The following DOK6 variants were observed in gnomAD, a reference collection of about 807,000 sequenced individuals.
DOK6 encodes docking protein 6.
Under a neutral mutation model 44.0 loss-of-function variants are expected in DOK6, and 22 were observed. The ratio of observed to expected loss-of-function variants is 0.50; its 90% CI spans 0.36 to 0.71. DOK6 has a LOEUF of 0.71. Among genes scored for constraint, DOK6 ranks in the 30% least tolerant of loss-of-function variants. The pLI is 0.00. For synonymous variants in DOK6, 166 were observed against 145.5 expected (o/e 1.14, Z -1.01); for missense variants, 340 against 416.4 (o/e 0.82, Z 1.60).
intron 7 of DOK6, among the ~76,000 whole-genome samples, chr18:69,837,280 C>T (rs1046175559): frequency 6.6e-6 from 1 of 152,074 alleles, no homozygotes; most frequent in Non-Finnish European, 1.5e-5. Flanking sequence ...TTGCATTATC[C>T]TGTGGTGGAA....
At chr18:69,567,419 C>T (rs769151868) in intron 2 of DOK6, among the ~76,000 whole-genome samples, 46 of 151,732 alleles carry the variant, frequency 3.0e-4, no homozygotes, top group Non-Finnish European at 6.2e-4. Flanking sequence ...TTAACAAATT[C>T]GGTGATATAA....
chr18:69,745,164 TATGTATGTAC>T (rs1374802991), intron 6 of DOK6, among the ~76,000 whole-genome samples: 3 of 152,184 alleles, frequency 2.0e-5, no homozygotes, highest in South Asian at 2.1e-4. Context: ...TTCATGTATG[TATGTATGTAC>T]ATGTATGTAC....
intron 3 of DOK6, among the ~76,000 whole-genome samples, chr18:69,667,408 T>TA (rs1295182071): frequency 2.7e-4 from 41 of 152,336 alleles, no homozygotes; most frequent in Middle Eastern, 3.4e-3. Flanking sequence ...CTCTTGCACC[T>TA]ATTCAAGCTG....
chr18:69,745,937 C>T (rs539780146), intron 6 of DOK6, among the ~76,000 whole-genome samples: 3 of 152,252 alleles, frequency 2.0e-5, no homozygotes, highest in South Asian at 2.1e-4. Flanking sequence ...ATGAACTTAA[C>T]GATAGCCTCT....
chr18:69,402,920 C>A (rs577316214), intron 1 of DOK6, among the ~76,000 whole-genome samples: 2 of 152,192 alleles, frequency 1.3e-5, no homozygotes, highest in Non-Finnish European at 2.9e-5. Flanking sequence ...TCTGGTTGTT[C>A]CTCGCAGCCG....
intron 1 of DOK6, among the ~76,000 whole-genome samples, chr18:69,473,305 G>T (rs1980168093): frequency 6.6e-6 from 1 of 152,074 alleles, no homozygotes; most frequent in South Asian, 2.1e-4. Flanking sequence ...AATAAAAGTT[G>T]TTTGCGTTTT....
intron 1 of DOK6, among the ~76,000 whole-genome samples, chr18:69,550,956 G>A (rs1982551771): frequency 6.6e-6 from 1 of 151,214 alleles, no homozygotes; most frequent in African/African-American, 2.4e-5. Context: ...GCTAATTTTT[G>A]TGTTTTTAGT....
chr18:69,761,305 A>C (rs1002092612), intron 7 of DOK6, among the ~76,000 whole-genome samples: 3 of 149,806 alleles, frequency 2.0e-5, no homozygotes, highest in East Asian at 2.0e-4. Context: ...CTATCTATTA[A>C]GAGGCTGCCT....
intron 1 of DOK6, among the ~76,000 whole-genome samples, chr18:69,527,487 A>C (rs147417688): frequency 1.4e-4 from 22 of 152,316 alleles, no homozygotes; most frequent in African/African-American, 4.6e-4. Context: ...CACTTTCATC[A>C]GAACAGCATG....
chr18:69,535,608 T>C (rs1050652288), intron 1 of DOK6, among the ~76,000 whole-genome samples: 2 of 151,866 alleles, frequency 1.3e-5, no homozygotes, highest in Non-Finnish European at 2.9e-5. Context: ...GTGATTCATG[T>C]ATATATATGA....
chr18:69,646,086 A>G (rs1043950892), intron 3 of DOK6, among the ~76,000 whole-genome samples: 3 of 152,190 alleles, frequency 2.0e-5, no homozygotes, highest in Non-Finnish European at 2.9e-5. Flanking sequence ...GAGTATATCT[A>G]GGAATCAATG....
intron 3 of DOK6, among the ~76,000 whole-genome samples, chr18:69,652,910 A>G (rs894233969): frequency 3.3e-5 from 5 of 152,198 alleles, no homozygotes; most frequent in African/African-American, 1.2e-4. Context: ...AGGACAAACG[A>G]TTATCTGACA....
intron 1 of DOK6, among the ~76,000 whole-genome samples, chr18:69,406,076 A>C (rs1916201028): frequency 6.6e-6 from 1 of 152,218 alleles, no homozygotes. Flanking sequence ...ATTTGATTCT[A>C]GATTTTTATT....
intron 1 of DOK6, chr18:69,471,816 G>A (rs1980121740): frequency 6.6e-6 from 1 of 152,150 alleles, no homozygotes. Flanking sequence ...GGTTGAGCCT[G>A]AAATATAGAG....
intron 3 of DOK6, among the ~76,000 whole-genome samples, chr18:69,612,225 A>G (rs1984159599): frequency 1.3e-5 from 2 of 150,944 alleles, no homozygotes; most frequent in East Asian, 3.9e-4. Context: ...GTTAAAAAAA[A>G]CCAGGGTGGG....
intron 1 of DOK6, among the ~76,000 whole-genome samples, chr18:69,500,084 A>G (rs891910157): frequency 6.6e-6 from 1 of 152,076 alleles, no homozygotes; most frequent in Admixed American, 6.6e-5. Context: ...TTTTCTCCAT[A>G]TAACAGCCAG....
intron 1 of DOK6, among the ~76,000 whole-genome samples, chr18:69,529,680 C>A (rs1981930854): frequency 1.3e-5 from 2 of 152,076 alleles, no homozygotes; most frequent in Admixed American, 1.3e-4. Context: ...TTGAAAAGAC[C>A]TCTTTTCCTA....
At chr18:69,653,916 T>A (rs1309520612) in intron 3 of DOK6, among the ~76,000 whole-genome samples, 1 of 151,896 alleles carries the variant, frequency 6.6e-6, no homozygotes, top group Non-Finnish European at 1.5e-5. Context: ...AGAAAAAAAA[T>A]GGTTAATAGA....
At chr18:69,567,079 G>T (rs568070837) in intron 2 of DOK6, among the ~76,000 whole-genome samples, 3 of 152,248 alleles carry the variant, frequency 2.0e-5, no homozygotes, top group East Asian at 3.9e-4. Flanking sequence ...GAATTTCAAG[G>T]CAAACTTCAT....
Sources: gnomAD v4.1 joint callset for allele counts (sites outside exome capture counted in the v4.1 genomes callset) on GRCh38, gnomAD v4.1.1 for gene constraint, MANE v1.5 for transcripts, NCBI Gene and HGNC (gene_info 2026-07-23, HGNC 2026-07-21) for gene names.